PPP1R14D: variants seen among roughly 807,000 people sequenced by gnomAD.
PPP1R14D encodes the protein protein phosphatase 1 regulatory inhibitor subunit 14D.
PPP1R14D carries 14 observed loss-of-function variants against 17.1 expected under a neutral mutation model. That is an observed-to-expected ratio of 0.82 (90% CI 0.54 to 1.28). The LOEUF is 1.28. Ranked by LOEUF, PPP1R14D falls within the 50% of genes most tolerant of loss-of-function variation. The pLI is 0.00. For missense variants in PPP1R14D, 173 were observed against 179.2 expected (o/e 0.97, Z 0.20); for synonymous variants, 67 against 66.1 (o/e 1.01, Z -0.06).
Position 40,828,367 on chromosome 15 carries a change from C to T in PPP1R14D, c.255+20G>A. The T allele has an allele frequency of 6.4e-7, 1 of 1,559,934 alleles. No homozygotes were observed. Among genetic ancestry groups the T allele is most frequent in the South Asian group, 1.2e-5 (1 of 80,930 alleles). ...GACCCCAGGCCCCCATCTCCTCCCA[C>T]TATCCGCTGTGCTACCTACCTGGAA... On this transcript the variant is annotated intron_variant, in intron 1 of 3. Coordinates refer to ENST00000299174, the MANE Select transcript of PPP1R14D (RefSeq NM_017726.8).
intron 1 of PPP1R14D, chr15:40,817,262 C>T: frequency 3.3e-6 from 1 of 299,758 alleles, no homozygotes. Flanking sequence ...GGAGCTGAGG[C>T]AGGAGAATCG....
chr15:40,820,024 G>A (rs546351281), intron 1 of PPP1R14D, among the ~76,000 whole-genome samples: 9 of 151,624 alleles, frequency 5.9e-5, no homozygotes, highest in East Asian at 3.9e-4. Flanking sequence ...GCGCCACCAC[G>A]CCTGGCTAAT....
chr15:40,815,459 C>T lies in PPP1R14D; in HGVS notation c.*237G>A. The T allele has an allele frequency of 3.6e-6, 2 of 556,874 alleles. No homozygotes were observed. Among genetic ancestry groups the T allele is most frequent in the Non-Finnish European group, 6.4e-6 (2 of 313,564 alleles). The allele number at this position is 556,874 out of a possible 1,614,324, so 34.5% of individuals were successfully genotyped here. A position where few individuals can be genotyped will look rare whatever the true frequency, so the allele number is the denominator to read the frequency against. ...TCCACACTCCATTGAGCTGGGGCTC[C>T]TAAAGGTTTTATCCACTTGGCTGCC... On this transcript the variant is annotated 3_prime_UTR_variant, in exon 4 of 4. Coordinates refer to ENST00000299174, the MANE Select transcript of PPP1R14D (RefSeq NM_017726.8).
At chr15:40,823,278 A>G (rs1263437138) in intron 1 of PPP1R14D, among the ~76,000 whole-genome samples, 1 of 150,998 alleles carries the variant, frequency 6.6e-6, no homozygotes, top group African/African-American at 2.4e-5. Context: ...GCTAATTTTT[A>G]AAAATTTTTT....
Position 40,828,615 on chromosome 15 carries a change from G to A in PPP1R14D, c.27C>T (p.Cys9=). The A allele has an allele frequency of 6.2e-7, 1 of 1,613,330 alleles. No individual in the cohort carries two copies. The highest frequency in any genetic ancestry group is 8.5e-7 in the Non-Finnish European group (1 of 1,179,536). ...TCTCCCCATCTGGGCTGGGAGATGT[G>A]CAGGAAGCAGGGCTTGAAGACAGCA... MLSSSPAS[C]TSPSPDGENP... The change falls in exon 1 of 4, where the codon TGC becomes TGT. Residue 9 remains cysteine, a synonymous_variant. Transcript: ENST00000299174.
Position 40,815,731 on chromosome 15 carries a change from T to A in PPP1R14D, c.403A>T (p.Lys135Ter). The change falls in exon 4 of 4, where the codon AAG becomes TAG. Residue 135 changes from lysine (K) to a stop codon, truncating the protein, a stop_gained. Coordinates refer to ENST00000299174, the MANE Select transcript of PPP1R14D (RefSeq NM_017726.8). LOFTEE classifies it high-confidence loss of function. ...AFISELLSQL[K>*]KLRRLSRPQK ...GGCCGGCTGAGTCTCCGGAGTTTCT[T>A]GAGTTGACTGAGCAGCTCAGAGATA... The A allele has an allele frequency of 6.2e-7, 1 of 1,613,552 alleles. No homozygotes were observed. The highest frequency in any genetic ancestry group is 8.5e-7 in the Non-Finnish European group (1 of 1,179,812).
At chr15:40,816,305 A>T (rs1890662995) in intron 1 of PPP1R14D, 52 bp from the exon 2 acceptor site, 27 of 1,490,558 alleles carry the variant, frequency 1.8e-5, no homozygotes, top group Non-Finnish European at 2.5e-5. Context: ...TGGTGCTGGA[A>T]TGAAGGTTAC....
chr15:40,826,587 C>G (rs561473496), intron 1 of PPP1R14D, among the ~76,000 whole-genome samples: 21 of 152,284 alleles, frequency 1.4e-4, no homozygotes, highest in African/African-American at 4.6e-4. Context: ...AGTGGCCAGG[C>G]TCCACACCTG....
In PPP1R14D at chr15:40,816,193, C is replaced by G; in HGVS notation, c.316G>C (p.Glu106Gln). Residue 106 changes from glutamate to glutamine, a missense_variant, in exon 2 of 4, where the codon GAG becomes CAG. Physicochemically the swap from Glu to Gln is conservative, Grantham distance 29 (BLOSUM62 2). Transcript: ENST00000299174. ...ACCTCCAGCTGAGTCTTCTGCTCCTCTGTGGATAGATCCATGAGAGCTTCC... is the reference window on the plus strand; with the variant it reads ...ACCTCCAGCTGAGTCTTCTGCTCCTGTGTGGATAGATCCATGAGAGCTTCC... ...DLEALMDLST[E>Q]EQKTQLEAIL... The G allele has an allele frequency of 6.2e-7, 1 of 1,614,206 alleles. No homozygotes were observed. The highest frequency in any genetic ancestry group is 8.5e-7 in the Non-Finnish European group (1 of 1,180,040).
At chr15:40,827,375 G>T (rs914174951) in intron 1 of PPP1R14D, among the ~76,000 whole-genome samples, 7 of 152,204 alleles carry the variant, frequency 4.6e-5, no homozygotes, top group African/African-American at 1.7e-4. Context: ...GGGCACAGTG[G>T]CGCATGCCTG....
intron 3 of PPP1R14D, 45 bp from the exon 4 acceptor site, chr15:40,815,806 A>ACCCCCCCCCC: frequency 6.5e-7 from 1 of 1,534,302 alleles, no homozygotes; most frequent in Non-Finnish European, 8.9e-7. Flanking sequence ...GTCACAATTC[A>ACCCCCCCCCC]CCCCCCACCC....
intron 1 of PPP1R14D, among the ~76,000 whole-genome samples, chr15:40,826,549 G>A (rs961837185): frequency 6.6e-6 from 1 of 152,146 alleles, no homozygotes; most frequent in Non-Finnish European, 1.5e-5. Flanking sequence ...AGTATTTCAA[G>A]TGTGGAGAAC....
chr15:40,821,041 A>AAG (rs1491363600), intron 1 of PPP1R14D, among the ~76,000 whole-genome samples: 1 of 108,498 alleles, frequency 9.2e-6, no homozygotes, highest in Non-Finnish European at 2.0e-5. Flanking sequence ...AAATAAGAAG[A>AAG]AAAAAAAAGA....
intron 1 of PPP1R14D, among the ~76,000 whole-genome samples, chr15:40,826,039 T>C (rs1890864199): frequency 6.6e-6 from 1 of 152,186 alleles, no homozygotes; most frequent in African/African-American, 2.4e-5. Flanking sequence ...AAATTGAAAC[T>C]GATCCAGTGG....
chr15:40,819,220 TG>T (rs1446456996), intron 1 of PPP1R14D, among the ~76,000 whole-genome samples: 2 of 152,216 alleles, frequency 1.3e-5, no homozygotes, highest in Non-Finnish European at 2.9e-5. Context: ...TCTTGATTCA[TG>T]TGAAGGGCCA....
At chr15:40,821,153 G>T (rs1890769577) in intron 1 of PPP1R14D, among the ~76,000 whole-genome samples, 1 of 151,960 alleles carries the variant, frequency 6.6e-6, no homozygotes, top group Admixed American at 6.6e-5. Flanking sequence ...TGGCTAACAT[G>T]GTGAAACCCC....
At chr15:40,816,818 TCCCAGCAC>T (rs937621138) in intron 1 of PPP1R14D, among the ~76,000 whole-genome samples, 4 of 152,126 alleles carry the variant, frequency 2.6e-5, no homozygotes, top group Non-Finnish European at 5.9e-5. Context: ...ACTCCTGTAA[TCCCAGCAC>T]TTTGGGAGGC....
chr15:40,817,946 C>T (rs1003767411), intron 1 of PPP1R14D, among the ~76,000 whole-genome samples: 15 of 152,084 alleles, frequency 9.9e-5, no homozygotes, highest in Non-Finnish European at 1.8e-4. Context: ...CCATTAATTG[C>T]ACTCCCTTGG....
chr15:40,820,734 A>G (rs1473349362), intron 1 of PPP1R14D, among the ~76,000 whole-genome samples: 1 of 151,392 alleles, frequency 6.6e-6, no homozygotes, highest in Non-Finnish European at 1.5e-5. Flanking sequence ...TCTGACGTAC[A>G]CCTGTAATCC....
Sources: gnomAD v4.1 joint callset for allele counts (sites outside exome capture counted in the v4.1 genomes callset) on GRCh38, gnomAD v4.1.1 for gene constraint, MANE v1.5 for transcripts, NCBI Gene and HGNC (gene_info 2026-07-23, HGNC 2026-07-21) for gene names.